ICA1L: variants seen among roughly 807,000 people sequenced by gnomAD.
The protein encoded by ICA1L is islet cell autoantigen 1 like.
In ICA1L, 50 loss-of-function variants were observed where a neutral mutation model predicts 61.3. The observed-to-expected ratio is 0.82, with a 90% confidence interval of 0.65 to 1.03. ICA1L has a LOEUF of 1.03. ICA1L is among the 50% of genes least tolerant of loss of function. The pLI is 0.00. For synonymous variants in ICA1L, 161 were observed against 191.3 expected, an observed-to-expected ratio of 0.84 and a Z score of 1.31; for missense variants, 508 against 556.7, an observed-to-expected ratio of 0.91 and a Z score of 0.88.
Position 202,775,675 on chromosome 2 carries a change from T to A in ICA1L, c.*3858A>T, listed in dbSNP as rs1199180542. 1 of 152,204 alleles carries A rather than the reference T, an allele frequency of 6.6e-6. No individual in the cohort carries two copies. The highest frequency in any genetic ancestry group is 1.5e-5 in the Non-Finnish European group (1 of 68,060). 9.4% of individuals were successfully genotyped at this position (152,204 alleles called of 1,614,324 possible). ...CTGGGATTACAGGCATCTGCCACCATGCCCAGCTAATTTTTATATTTTTCA... is the reference window on the plus strand; with the variant it reads ...CTGGGATTACAGGCATCTGCCACCAAGCCCAGCTAATTTTTATATTTTTCA... On this transcript the variant is annotated 3_prime_UTR_variant, in exon 13 of 13. Transcript: ENST00000358299.
chr2:202,869,251 C>G (rs940082600), intron 1 of ICA1L, among the ~76,000 whole-genome samples: 2 of 150,488 alleles, frequency 1.3e-5, no homozygotes, highest in Admixed American at 6.6e-5. Flanking sequence ...CCAGCTACTC[C>G]GGAGGCTGAG....
chr2:202,786,795 G>A, intron 11 of ICA1L: 1 of 444,850 alleles, frequency 2.2e-6, no homozygotes, highest in Non-Finnish European at 4.5e-6. Context: ...TGAACAAGTA[G>A]AAACAATAAG....
chr2:202,853,089 T>C (rs1028513890), intron 1 of ICA1L, among the ~76,000 whole-genome samples: 1 of 152,026 alleles, frequency 6.6e-6, no homozygotes, highest in African/African-American at 2.4e-5. Flanking sequence ...CTGGGCGCGG[T>C]GGCTCACGCC....
At chr2:202,864,580 TGTA>T (rs1251326697) in intron 1 of ICA1L, among the ~76,000 whole-genome samples, 2 of 152,028 alleles carry the variant, frequency 1.3e-5, no homozygotes, top group African/African-American at 4.8e-5. Context: ...ACAAATCTAA[TGTA>T]GTAGTGTGTG....
At chr2:202,843,582 G>A (rs1694385458) in intron 1 of ICA1L, among the ~76,000 whole-genome samples, 1 of 152,196 alleles carries the variant, frequency 6.6e-6, no homozygotes, top group African/African-American at 2.4e-5. Flanking sequence ...CAGGCCTGAT[G>A]CACAAATGTG....
intron 1 of ICA1L, chr2:202,841,488 G>A (rs72932801): frequency 5.7e-5 from 45 of 788,968 alleles, no homozygotes; most frequent in Non-Finnish European, 8.8e-5. Context: ...ATTTGTTGTT[G>A]AGGGTCCTTC....
intron 1 of ICA1L, among the ~76,000 whole-genome samples, chr2:202,845,852 GA>G (rs969277668): frequency 1.6e-4 from 24 of 152,266 alleles, no homozygotes; most frequent in African/African-American, 5.5e-4. Flanking sequence ...ATCCTCTTGA[GA>G]AAAATAATCT....
At chr2:202,787,100 GGAAA>G (rs1339107673) in intron 11 of ICA1L, among the ~76,000 whole-genome samples, 2 of 152,140 alleles carry the variant, frequency 1.3e-5, no homozygotes, top group Non-Finnish European at 2.9e-5. Context: ...TAAATATAAA[GGAAA>G]GACTGGTAAA....
chr2:202,844,156 G>T (rs1462346493), intron 1 of ICA1L: 2 of 152,118 alleles, frequency 1.3e-5, no homozygotes, highest in African/African-American at 4.8e-5. Flanking sequence ...AATTGGATTT[G>T]CTGTGTCAAA....
rs1265581376 is a variant in ICA1L, at chr2:202,849,798, TA to T, written c.-7-20783del. ...TCCCAGCACAGCAATTGAGCTCTGC[TA>T]GGGGACAGACAGCCTCCTCAAGTGG... On this transcript the variant is annotated intron_variant, in intron 1 of 12. Transcript: ENST00000358299. The surrounding 1 kb of genome is among the most constrained non-coding windows in gnomAD (Gnocchi z 4.5). 6.6e-6 allele frequency among the ~76,000 whole-genome samples: 1 copy of T among 152,192 alleles called. No homozygotes were observed. The highest frequency in any genetic ancestry group is 6.5e-5 in the Admixed American group (1 of 15,280).
At chr2:202,820,068 C>A (rs1693655782) in intron 4 of ICA1L, 169 bp from the exon 5 acceptor site, 1 of 607,574 alleles carries the variant, frequency 1.6e-6, no homozygotes, top group East Asian at 2.8e-5. Context: ...ATAGCCAACT[C>A]TGAATTATCA....
chr2:202,775,851 C>T lies in ICA1L; in HGVS notation c.*3682G>A, dbSNP rs371210911. 2.6e-5 allele frequency: 4 copies of T among 152,248 alleles called. No individual in the cohort carries two copies. The highest frequency in any genetic ancestry group is 2.1e-4 in the South Asian group (1 of 4,828). 9.4% of individuals were successfully genotyped at this position (152,248 alleles called of 1,614,324 possible). A position where few individuals can be genotyped will look rare whatever the true frequency, so the allele number is the denominator to read the frequency against. On this transcript the variant is annotated 3_prime_UTR_variant, in exon 13 of 13. Transcript: ENST00000358299. ...ATATTAATTGCCCTGGTTTTATTTT[C>T]GTTCTCCCATGTCCGTATCAACTCA...
At position 202,845,399 on chromosome 2, in the gene ICA1L, G is replaced by A. The variant is rs141094669; in HGVS notation, c.-7-16383C>T. ...CCCAGCATTTTGGGAGGCCAAGGCG[G>A]GTGAATTACTTGAGGCCAGGAGTTC... On this transcript the variant is annotated intron_variant, in intron 1 of 12. Coordinates refer to ENST00000358299, the MANE Select transcript of ICA1L (RefSeq NM_001288622.3). 5.1e-3 allele frequency among the ~76,000 whole-genome samples: 778 copies of A among 152,204 alleles called. 18 individuals are homozygous for A. The highest frequency in any genetic ancestry group is 0.043 in the South Asian group (208 of 4,806).
intron 4 of ICA1L, among the ~76,000 whole-genome samples, chr2:202,821,031 ATGTTAG>A (rs1161680997): frequency 6.6e-6 from 1 of 152,216 alleles, no homozygotes; most frequent in South Asian, 2.1e-4. Context: ...CATTTTTAAG[ATGTTAG>A]TCATTCTGTG....
intron 9 of ICA1L, among the ~76,000 whole-genome samples, chr2:202,798,976 G>T (rs1014089501): frequency 6.6e-6 from 1 of 151,982 alleles, no homozygotes; most frequent in African/African-American, 2.4e-5. Context: ...TGGCTGAATG[G>T]TATTCCATTG....
intron 9 of ICA1L, among the ~76,000 whole-genome samples, chr2:202,801,764 C>G (rs1175337801): frequency 1.3e-5 from 2 of 152,188 alleles, no homozygotes; most frequent in Non-Finnish European, 2.9e-5. Flanking sequence ...CACGGCCAGA[C>G]AAGGCCCTTG....
intron 9 of ICA1L, among the ~76,000 whole-genome samples, chr2:202,804,610 C>T (rs142787748): frequency 4.6e-5 from 7 of 152,124 alleles, no homozygotes; most frequent in Admixed American, 2.0e-4. Flanking sequence ...TTTCTCAACA[C>T]GTAAACAAAA....
rs1158789044 is a variant in ICA1L at position 202,774,449 on chromosome 2, A to G, written c.*5084T>C. The G allele has an allele frequency of 3.5e-6, 2 of 564,512 alleles. No individual in the cohort carries two copies. The highest frequency in any genetic ancestry group is 2.0e-5 in the African/African-American group (1 of 49,274). The allele number at this position is 564,512 out of a possible 1,614,324, so 35.0% of individuals were successfully genotyped here. A position where few individuals can be genotyped will look rare whatever the true frequency, so the allele number is the denominator to read the frequency against. ...CTCCCCGTTCGTCCAGGCCAGCTCA[A>G]GAAACAACTTTTTCTTTCATGTTTT... On this transcript the variant is annotated 3_prime_UTR_variant, in exon 13 of 13. Transcript: ENST00000358299.
At chr2:202,803,690 C>T (rs1189948894) in intron 9 of ICA1L, among the ~76,000 whole-genome samples, 2 of 151,936 alleles carry the variant, frequency 1.3e-5, no homozygotes, top group African/African-American at 4.8e-5. Context: ...TGCACGCCAC[C>T]ACACCTGCCT....
Sources: allele counts gnomAD v4.1 joint callset (sites outside exome capture counted in the v4.1 genomes callset), GRCh38; gene constraint gnomAD v4.1.1; non-coding constraint Gnocchi (gnomAD v3.1); transcripts MANE v1.5; gene names NCBI Gene and HGNC (gene_info 2026-07-23, HGNC 2026-07-21).